Variants in MEIS1 observed in about 807,000 individuals in gnomAD.
MEIS1 encodes homeobox protein Meis1.
A neutral mutation model predicts 50.8 loss-of-function variants in MEIS1; 5 were observed. That is an observed-to-expected ratio of 0.10 (90% confidence interval 0.05 to 0.21). MEIS1 has a LOEUF of 0.21. Ranked by LOEUF, MEIS1 falls within the 10% of genes least tolerant of loss-of-function variation. The pLI, the probability that MEIS1 is intolerant of heterozygous loss-of-function variation, is 1.00. For missense variants in MEIS1, 318 were observed against 517.3 expected (o/e 0.61, Z 3.74); for synonymous variants, 176 against 179.3 (o/e 0.98, Z 0.15).
At chr2:66,567,386 T>G in intron 9 of MEIS1, 67 bp from the exon 10 acceptor site, 2 of 1,523,180 alleles carry the variant, frequency 1.3e-6, no homozygotes, top group Non-Finnish European at 1.8e-6. Context: ...GATTCATCTT[T>G]TCCTCTTCCT....
chr2:66,571,132 A>G, intron 12 of MEIS1, 114 bp from the exon 13 acceptor site: 1 of 1,036,062 alleles, frequency 9.7e-7, no homozygotes, highest in Non-Finnish European at 1.4e-6. Flanking sequence ...TTACAAAACC[A>G]TGTTCCCTTA....
chr2:66,504,938 G>A (rs1055769923), intron 7 of MEIS1, among the ~76,000 whole-genome samples: 3 of 152,082 alleles, frequency 2.0e-5, no homozygotes, highest in Non-Finnish European at 4.4e-5. Flanking sequence ...ATCACTTTGC[G>A]CTAAGAACAA....
rs115748343 is a variant in MEIS1 at position 66,506,476 on chromosome 2, C to T, written c.743-5673C>T. ...AGGACCGGAGGTGGAGCTGTGAGTG[C>T]CAGTGCGTATGGGGACTTGGCAAAT... is the stretch of plus-strand genomic sequence containing the variant. On this transcript the variant is annotated intron_variant, in intron 7 of 12. Transcript: ENST00000272369. 7.8e-3 allele frequency among the ~76,000 whole-genome samples: 1,181 copies of T among 152,204 alleles called. 25 individuals carry two copies. The highest frequency in any genetic ancestry group is 0.027 in the African/African-American group (1,116 of 41,510).
chr2:66,445,428 T>G (rs929929414), intron 6 of MEIS1: 1 of 152,434 alleles, frequency 6.6e-6, no homozygotes, highest in Admixed American at 6.5e-5. Context: ...GGGCGCCAGT[T>G]CTCCGGTCTG....
intron 2 of MEIS1, chr2:66,439,278 G>A (rs1671887110): frequency 1.9e-6 from 2 of 1,073,304 alleles, no homozygotes; most frequent in Non-Finnish European, 2.3e-6. Context: ...GGAGCCTCCC[G>A]GCTCTCCGAG....
intron 6 of MEIS1, among the ~76,000 whole-genome samples, chr2:66,461,175 C>A (rs927581968): frequency 4.2e-4 from 64 of 152,316 alleles, no homozygotes; most frequent in African/African-American, 1.5e-3. Context: ...CACAACTTCA[C>A]AGATATGTAT....
chr2:66,514,034 G>A (rs1243451146), intron 8 of MEIS1, among the ~76,000 whole-genome samples: 2 of 152,200 alleles, frequency 1.3e-5, no homozygotes, highest in East Asian at 3.8e-4. Flanking sequence ...AACTCGCTGT[G>A]TGGAATGAGT....
At chr2:66,443,718 C>T (rs1672057393) in intron 6 of MEIS1, 1 of 152,398 alleles carries the variant, frequency 6.6e-6, no homozygotes, top group Non-Finnish European at 1.5e-5. Context: ...CTTCTTTCCA[C>T]TCATCCTCCA....
chr2:66,524,471 A>G (rs1674200519), intron 8 of MEIS1, among the ~76,000 whole-genome samples: 2 of 152,204 alleles, frequency 1.3e-5, no homozygotes, highest in South Asian at 2.1e-4. Flanking sequence ...AGGTGGGAGG[A>G]TCACTTGAGC....
At chr2:66,534,105 G>A (rs1438231249) in intron 8 of MEIS1, among the ~76,000 whole-genome samples, 5 of 152,132 alleles carry the variant, frequency 3.3e-5, no homozygotes, top group African/African-American at 7.2e-5. Flanking sequence ...CACCACCAGC[G>A]TGATTATCCT....
intron 6 of MEIS1, 79 bp downstream of exon 6, chr2:66,443,127 C>G: frequency 7.0e-7 from 1 of 1,435,112 alleles, no homozygotes; most frequent in Non-Finnish European, 9.3e-7. Context: ...ACTACCACCT[C>G]CTTTTATTAT....
At chr2:66,559,415 T>C (rs1429741521) in intron 9 of MEIS1, among the ~76,000 whole-genome samples, 1 of 152,216 alleles carries the variant, frequency 6.6e-6, no homozygotes, top group Non-Finnish European at 1.5e-5. Flanking sequence ...CTGCTCATCA[T>C]ATTTATAATA....
intron 6 of MEIS1, among the ~76,000 whole-genome samples, chr2:66,456,238 A>ACACACACACACG (rs1320545065): frequency 6.9e-6 from 1 of 145,274 alleles, no homozygotes; most frequent in African/African-American, 2.5e-5. Flanking sequence ...ATTTTTATAC[A>ACACACACACACG]CACACACACA....
intron 7 of MEIS1, among the ~76,000 whole-genome samples, chr2:66,492,881 A>G (rs1030239739): frequency 6.6e-6 from 1 of 152,200 alleles, no homozygotes; most frequent in Non-Finnish European, 1.5e-5. Flanking sequence ...CTTCTTAGTT[A>G]TGCTGTTGAA....
At chr2:66,555,297 CA>C (rs1675032177) in intron 9 of MEIS1, among the ~76,000 whole-genome samples, 2 of 131,360 alleles carry the variant, frequency 1.5e-5, no homozygotes. Context: ...CTCCACCCCC[CA>C]AACCCCCCTC....
At chr2:66,558,119 A>C (rs928626869) in intron 9 of MEIS1, among the ~76,000 whole-genome samples, 2 of 152,046 alleles carry the variant, frequency 1.3e-5, no homozygotes, top group African/African-American at 4.8e-5. Context: ...GTCTCTACTA[A>C]AAATATAAAA....
chr2:66,479,714 A>G (rs1459819564), intron 7 of MEIS1, among the ~76,000 whole-genome samples: 1 of 152,222 alleles, frequency 6.6e-6, no homozygotes, highest in Non-Finnish European at 1.5e-5. Flanking sequence ...GAATATTTAC[A>G]TGGGACATTC....
intron 9 of MEIS1, among the ~76,000 whole-genome samples, chr2:66,549,979 C>T (rs1050577051): frequency 2.6e-4 from 40 of 152,202 alleles, no homozygotes; most frequent in African/African-American, 8.4e-4. Context: ...CAGTCTCTGC[C>T]GGAGAGCAAT....
intron 7 of MEIS1, among the ~76,000 whole-genome samples, chr2:66,475,692 C>T (rs1296510181): frequency 1.3e-5 from 2 of 152,154 alleles, no homozygotes; most frequent in Non-Finnish European, 2.9e-5. Context: ...AAATTCTCCT[C>T]GTATCCTCAC....
Sources: allele counts gnomAD v4.1 joint callset (sites outside exome capture counted in the v4.1 genomes callset), GRCh38; gene constraint gnomAD v4.1.1; transcripts MANE v1.5; gene names NCBI Gene and HGNC (gene_info 2026-07-23, HGNC 2026-07-21).